The following KAZN variants were observed in gnomAD, a reference collection of about 807,000 sequenced individuals.
KAZN encodes kazrin.
A neutral mutation model predicts 87.4 loss-of-function variants in KAZN; 40 were observed. That is an observed-to-expected ratio of 0.46 (90% CI 0.36 to 0.60). The LOEUF (loss-of-function observed/expected upper bound fraction) is 0.60, where lower values mean the gene tolerates loss of function less well. KAZN is among the 20% of genes least tolerant of loss of function. The pLI, the probability that KAZN is intolerant of heterozygous loss-of-function variation, is 0.00. For synonymous variants in KAZN, 466 were observed against 458.3 expected, an observed-to-expected ratio of 1.02 and a Z score of -0.22; for missense variants, 898 against 1,073.9, an observed-to-expected ratio of 0.84 and a Z score of 2.29.
chr1:14,126,717 A>C (rs1644877831), intron 1 of KAZN, among the ~76,000 whole-genome samples: 1 of 152,182 alleles, frequency 6.6e-6, no homozygotes, highest in Admixed American at 6.5e-5. Context: ...TTGTCAATCA[A>C]CCTTGGGTCT....
At chr1:13,919,623 C>T (rs1484860625) in intron 1 of KAZN, among the ~76,000 whole-genome samples, 1 of 152,164 alleles carries the variant, frequency 6.6e-6, no homozygotes, top group Non-Finnish European at 1.5e-5. Context: ...GCCATTTGGA[C>T]ATCTGTTGTC....
intron 8 of KAZN, chr1:15,067,100 C>T: frequency 1.0e-6 from 1 of 985,712 alleles, no homozygotes; most frequent in Non-Finnish European, 1.2e-6. Flanking sequence ...TCTGTTCCTC[C>T]CTGCAGCTGT....
chr1:14,142,232 T>G (rs1196028383), intron 1 of KAZN, among the ~76,000 whole-genome samples: 3 of 151,950 alleles, frequency 2.0e-5, no homozygotes, highest in Non-Finnish European at 4.4e-5. Context: ...TCTACTGAGA[T>G]GTCTAGCTGT....
intron 2 of KAZN, among the ~76,000 whole-genome samples, chr1:14,215,627 A>G (rs917169783): frequency 6.6e-6 from 1 of 152,196 alleles, no homozygotes; most frequent in Non-Finnish European, 1.5e-5. Flanking sequence ...AATGAAGAAA[A>G]CTGCTATAGG....
At chr1:14,694,298 T>C (rs574041790) in intron 1 of KAZN, among the ~76,000 whole-genome samples, 2 of 152,344 alleles carry the variant, frequency 1.3e-5, no homozygotes, top group Admixed American at 6.5e-5. Context: ...TCAATGGGCC[T>C]GGTGCCCTTT....
intron 2 of KAZN, among the ~76,000 whole-genome samples, chr1:14,412,555 T>A (rs1478549056): frequency 6.6e-6 from 1 of 152,050 alleles, no homozygotes; most frequent in African/African-American, 2.4e-5. Flanking sequence ...AACTTAAAGG[T>A]GTCTAGGAAT....
intron 1 of KAZN, among the ~76,000 whole-genome samples, chr1:14,127,868 G>A (rs1488507341): frequency 1.3e-5 from 2 of 152,144 alleles, no homozygotes; most frequent in Non-Finnish European, 2.9e-5. Flanking sequence ...TGTTCTGTCT[G>A]GAGTGAAGAG....
intron 1 of KAZN, among the ~76,000 whole-genome samples, chr1:14,844,624 G>C (rs1416943047): frequency 1.3e-5 from 2 of 152,220 alleles, no homozygotes; most frequent in Non-Finnish European, 2.9e-5. Context: ...GCTTTTGTAG[G>C]ATATATTTTT....
At chr1:15,063,759 A>G (rs1638997806) in intron 7 of KAZN, 137 bp downstream of exon 7, 5 of 719,074 alleles carry the variant, frequency 7.0e-6, no homozygotes, top group African/African-American at 1.7e-5. Context: ...CGCTGAGCCC[A>G]CGTCCATACT....
chr1:14,733,573 G>A (rs1342022739), intron 1 of KAZN, among the ~76,000 whole-genome samples: 1 of 152,008 alleles, frequency 6.6e-6, no homozygotes, highest in Non-Finnish European at 1.5e-5. Context: ...CCTCTCTTTC[G>A]GGGAGTGGGG....
chr1:14,115,695 G>A (rs781721186), intron 1 of KAZN, among the ~76,000 whole-genome samples: 16 of 152,190 alleles, frequency 1.1e-4, no homozygotes, highest in Non-Finnish European at 1.8e-4. Flanking sequence ...ATGCGGAAGC[G>A]ACTTTGGAAT....
chr1:14,349,090 T>C (rs1658327578), intron 2 of KAZN: 1 of 152,250 alleles, frequency 6.6e-6, no homozygotes, highest in Admixed American at 6.5e-5. Flanking sequence ...CTCATTGTTC[T>C]TGGGGAGACA....
chr1:14,927,764 A>C (rs1030548258), intron 1 of KAZN, among the ~76,000 whole-genome samples: 7 of 152,114 alleles, frequency 4.6e-5, no homozygotes, highest in African/African-American at 1.7e-4. Context: ...GCCTCTTCAC[A>C]TCCTCTACCT....
chr1:14,531,079 T>C (rs1672183453), intron 2 of KAZN, among the ~76,000 whole-genome samples: 1 of 152,112 alleles, frequency 6.6e-6, no homozygotes, highest in African/African-American at 2.4e-5. Context: ...TCTCAATCAA[T>C]GAGTCAATGA....
intron 2 of KAZN, among the ~76,000 whole-genome samples, chr1:14,591,983 G>A (rs533893149): frequency 6.6e-6 from 1 of 152,208 alleles, no homozygotes; most frequent in East Asian, 1.9e-4. Flanking sequence ...ATAGGAGAAG[G>A]ATAGCTGTTG....
intron 1 of KAZN, among the ~76,000 whole-genome samples, chr1:14,650,620 A>G (rs10927480): frequency 0.21 from 32,398 of 152,224 alleles, 3,564 homozygotes; most frequent in South Asian, 0.27. Context: ...ACTGTATATG[A>G]GAATGTAGAT....
chr1:14,243,289 T>A (rs1302365190), intron 2 of KAZN, among the ~76,000 whole-genome samples: 1 of 152,208 alleles, frequency 6.6e-6, no homozygotes, highest in Non-Finnish European at 1.5e-5. Flanking sequence ...AGAATCAGGC[T>A]CTCTGATGAC....
intron 1 of KAZN, among the ~76,000 whole-genome samples, chr1:14,141,249 A>AC (rs1439887608): frequency 1.2e-3 from 175 of 151,454 alleles, no homozygotes; most frequent in African/African-American, 3.5e-3. Flanking sequence ...AAAAAAAAAA[A>AC]AAAACAAAAC....
chr1:14,815,997 CA>C (rs1646552513), intron 1 of KAZN, among the ~76,000 whole-genome samples: 1 of 152,156 alleles, frequency 6.6e-6, no homozygotes, highest in Non-Finnish European at 1.5e-5. Flanking sequence ...TGACATTTCT[CA>C]TTCCAAGCCA....
Sources: allele counts gnomAD v4.1 joint callset (sites outside exome capture counted in the v4.1 genomes callset), GRCh38; gene constraint gnomAD v4.1.1; transcripts MANE v1.5; gene names NCBI Gene and HGNC (gene_info 2026-07-23, HGNC 2026-07-21).